Variants in ZNF536 observed in about 807,000 individuals in gnomAD.
ZNF536 encodes zinc finger protein 536.
ZNF536 carries 13 observed loss-of-function variants against 84.5 expected under a neutral mutation model. The observed-to-expected ratio is 0.15, with a 90% CI of 0.10 to 0.24. The LOEUF (loss-of-function observed/expected upper bound fraction) is 0.24, where lower values mean the gene tolerates loss of function less well. Ranked by LOEUF, ZNF536 falls within the 10% of genes least tolerant of loss-of-function variation. The pLI, the probability that ZNF536 is intolerant of heterozygous loss-of-function variation, is 1.00. For synonymous variants in ZNF536, 811 were observed against 742.5 expected, an observed-to-expected ratio of 1.09 and a Z score of -1.50; for missense variants, 1,536 against 1,747.5, an observed-to-expected ratio of 0.88 and a Z score of 2.16.
At position 30,545,998 on chromosome 19, in the gene ZNF536, A is replaced by G. The variant is rs372229735; in HGVS notation, c.2324-1945A>G. On this transcript the variant is annotated intron_variant, in intron 3 of 4. Transcript: ENST00000355537. ...TGGCCCTCCCGCAGGGCTTGCTCTCACTCGTAGGGCAGGATCTTGAGTTTC... is the reference window on the plus strand; with the variant it reads ...TGGCCCTCCCGCAGGGCTTGCTCTCGCTCGTAGGGCAGGATCTTGAGTTTC... Among the ~76,000 whole-genome samples the G allele has an allele frequency of 3.6e-4, 55 of 151,892 alleles. 1 individual carries two copies. The South Asian group carries it at 0.011, about 31-fold the overall frequency.
rs184098051 is a variant in ZNF536 at position 30,640,172 on chromosome 19, G to A, written c.170-70585G>A. 3.0e-3 allele frequency among the ~76,000 whole-genome samples: 453 copies of A among 152,246 alleles called. 2 individuals are homozygous for A. The highest frequency in any genetic ancestry group is 1.0e-2 in the African/African-American group (415 of 41,534). On this transcript the variant is annotated intron_variant, in intron 1 of 1. Transcript: ENST00000592773. ...TGAGGTGGAAGGATCACTTGAATCCGGGAGGCAGAGGTTGCAGTGAGCCAA... is the reference window on the plus strand; with the variant it reads ...TGAGGTGGAAGGATCACTTGAATCCAGGAGGCAGAGGTTGCAGTGAGCCAA...
At chr19:30,572,840 G>C (rs1296735303) in intron 1 of ZNF536, among the ~76,000 whole-genome samples, 1 of 152,200 alleles carries the variant, frequency 6.6e-6, no homozygotes, top group Non-Finnish European at 1.5e-5. Context: ...ACATTGGAGA[G>C]AGACTAGAGA....
chr19:30,441,273 G>A (rs549402068), intron 1 of ZNF536, among the ~76,000 whole-genome samples: 6 of 152,250 alleles, frequency 3.9e-5, no homozygotes, highest in Non-Finnish European at 8.8e-5. Context: ...CTTCCATGGA[G>A]CTGTTGGGTG....
intron 2 of ZNF536, among the ~76,000 whole-genome samples, chr19:30,345,292 C>A (rs1462066437): frequency 6.6e-6 from 1 of 152,240 alleles, no homozygotes; most frequent in Non-Finnish European, 1.5e-5. Flanking sequence ...CTGTCCCCAG[C>A]CCTGTGAGAA....
rs1489996810 is a variant in ZNF536 at position 30,258,233 on chromosome 19, A to G, written c.-189-25839A>G. Reference sequence around the variant, plus strand: ...AGGTGTCGCCTACACAACCTACAAAACCAATTCACCTCCAAGCCACTTCCA... The same window carrying G: ...AGGTGTCGCCTACACAACCTACAAAGCCAATTCACCTCCAAGCCACTTCCA... On this transcript the variant is annotated intron_variant, in intron 1 of 5. Coordinates refer to the ZNF536 transcript ENST00000585628. Among the ~76,000 whole-genome samples the G allele has an allele frequency of 3.3e-5, 5 of 152,270 alleles. No individual in the cohort carries two copies. The East Asian group carries it at 7.7e-4, about 24-fold the overall frequency.
chr19:30,484,351 C>T (rs910217348), intron 2 of ZNF536, among the ~76,000 whole-genome samples: 5 of 149,998 alleles, frequency 3.3e-5, no homozygotes, highest in East Asian at 3.9e-4. Context: ...CTCAGCCTCC[C>T]GAGTAGCTGG....
chr19:30,425,493 G>A (rs73924738), intron 1 of ZNF536, among the ~76,000 whole-genome samples: 12,550 of 152,064 alleles, frequency 0.083, 1,232 homozygotes, highest in African/African-American at 0.23. Context: ...TTGATCCAGG[G>A]GCTCAAATGT....
intron 2 of ZNF536, among the ~76,000 whole-genome samples, chr19:30,330,784 C>T (rs867514299): frequency 4.6e-5 from 7 of 152,128 alleles, no homozygotes; most frequent in Non-Finnish European, 8.8e-5. Context: ...GTCCATTTTT[C>T]GGTCCTGAGG....
At chr19:30,653,380 TG>T (rs2147478562) in intron 1 of ZNF536, among the ~76,000 whole-genome samples, 1 of 152,094 alleles carries the variant, frequency 6.6e-6, no homozygotes, top group South Asian at 2.1e-4. Context: ...GAAGGTTAGG[TG>T]GGGCCCTCTG....
At chr19:30,318,771 C>T (rs920480722) in intron 2 of ZNF536, among the ~76,000 whole-genome samples, 5 of 152,120 alleles carry the variant, frequency 3.3e-5, no homozygotes, top group Admixed American at 6.5e-5. Flanking sequence ...GCAATGTACC[C>T]GCAGCCCTGG....
intron 1 of ZNF536, among the ~76,000 whole-genome samples, chr19:30,383,462 G>T (rs2147195219): frequency 6.6e-6 from 1 of 152,282 alleles, no homozygotes; most frequent in South Asian, 2.1e-4. Flanking sequence ...GCCCTGTGGA[G>T]GTGGCTGCAC....
At chr19:30,703,543 C>T (rs1167501465) in intron 1 of ZNF536, among the ~76,000 whole-genome samples, 2 of 152,160 alleles carry the variant, frequency 1.3e-5, no homozygotes, top group Non-Finnish European at 2.9e-5. Flanking sequence ...TTTGAAGGTC[C>T]TCCGGTTTCC....
intron 2 of ZNF536, among the ~76,000 whole-genome samples, chr19:30,497,441 T>A (rs967728963): frequency 6.6e-6 from 1 of 152,176 alleles, no homozygotes; most frequent in Non-Finnish European, 1.5e-5. Flanking sequence ...TGCATGGTAA[T>A]CTTTAGCACC....
intron 1 of ZNF536, among the ~76,000 whole-genome samples, chr19:30,418,136 T>C (rs1299883679): frequency 1.3e-5 from 2 of 151,970 alleles, no homozygotes; most frequent in African/African-American, 4.8e-5. Flanking sequence ...GAATACCCAA[T>C]TTTGCTGGAG....
chr19:30,583,883 C>T (rs1187818464), intron 1 of ZNF536, among the ~76,000 whole-genome samples: 2 of 152,184 alleles, frequency 1.3e-5, no homozygotes, highest in African/African-American at 4.8e-5. Flanking sequence ...AGCCGTGATT[C>T]TGGCCCTGGT....
chr19:30,514,856 C>T (rs534351601), intron 2 of ZNF536, among the ~76,000 whole-genome samples: 8 of 152,164 alleles, frequency 5.3e-5, no homozygotes, highest in African/African-American at 1.9e-4. Flanking sequence ...ATCCAGTGAC[C>T]TTGACTCCAG....
chr19:30,590,119 G>A (rs2047224874), intron 1 of ZNF536, among the ~76,000 whole-genome samples: 1 of 152,240 alleles, frequency 6.6e-6, no homozygotes, highest in African/African-American at 2.4e-5. Flanking sequence ...GCAGGCCTGG[G>A]CGGTGTTGAT....
chr19:30,667,983 A>G (rs2050398685), intron 1 of ZNF536, among the ~76,000 whole-genome samples: 1 of 152,134 alleles, frequency 6.6e-6, no homozygotes, highest in South Asian at 2.1e-4. Context: ...GCAGGGCTAG[A>G]TTTGAAGCCA....
chr19:30,597,814 G>C (rs537870467), intron 1 of ZNF536, among the ~76,000 whole-genome samples: 3 of 152,232 alleles, frequency 2.0e-5, no homozygotes, highest in Non-Finnish European at 2.9e-5. Context: ...TATGCATATA[G>C]TTGTTACTAT....
Sources: allele counts gnomAD v4.1 joint callset (sites outside exome capture counted in the v4.1 genomes callset), GRCh38; gene constraint gnomAD v4.1.1; transcripts MANE v1.5; gene names NCBI Gene and HGNC (gene_info 2026-07-23, HGNC 2026-07-21).